Variants in JAM2 observed in about 807,000 individuals in gnomAD.
JAM2 encodes the protein junctional adhesion molecule 2.
JAM2 carries 17 observed loss-of-function variants against 42.0 expected under a neutral mutation model. The ratio of observed to expected loss-of-function variants is 0.40; its 90% CI spans 0.28 to 0.61. The LOEUF is 0.61. Ranked by LOEUF, JAM2 falls within the 20% of genes least tolerant of loss-of-function variation. JAM2 has a pLI of 0.37. For missense variants in JAM2, 319 were observed against 358.3 expected, an observed-to-expected ratio of 0.89 and a Z score of 0.89; for synonymous variants, 118 against 128.6, an observed-to-expected ratio of 0.92 and a Z score of 0.56.
intron 1 of JAM2, among the ~76,000 whole-genome samples, chr21:25,642,872 T>C (rs374787006): frequency 1.3e-5 from 2 of 152,240 alleles, no homozygotes; most frequent in African/African-American, 4.8e-5. Flanking sequence ...CGTTTATTTC[T>C]CACAGCTCTG....
intron 1 of JAM2, among the ~76,000 whole-genome samples, chr21:25,648,143 G>A (rs775952965): frequency 5.1e-4 from 77 of 152,168 alleles, no homozygotes; most frequent in Non-Finnish European, 9.1e-4. Context: ...CGTGGGAGGC[G>A]GAGGTTGCAA....
chr21:25,648,117 A>G (rs1446688793), intron 1 of JAM2, among the ~76,000 whole-genome samples: 1 of 152,180 alleles, frequency 6.6e-6, no homozygotes, highest in Non-Finnish European at 1.5e-5. Flanking sequence ...AGGCTGAGGC[A>G]TGAGAATCAC....
intron 4 of JAM2, among the ~76,000 whole-genome samples, chr21:25,697,178 T>C (rs1225069709): frequency 6.6e-6 from 1 of 152,058 alleles, no homozygotes; most frequent in African/African-American, 2.4e-5. Context: ...GACTTTTCCT[T>C]CTGTAATCAG....
chr21:25,698,953 C>T (rs1033791513), intron 5 of JAM2, 74 bp downstream of exon 5: 27 of 1,313,938 alleles, frequency 2.1e-5, no homozygotes, highest in Admixed American at 3.4e-5. Flanking sequence ...CTTAAGATGA[C>T]GTTTAATAGA....
chr21:25,715,647 G>A lies in JAM2; in HGVS notation c.*975G>A, dbSNP rs776085758. 3.9e-5 allele frequency: 6 copies of A among 152,160 alleles called. No homozygotes were observed. The highest frequency in any genetic ancestry group is 9.7e-5 in the African/African-American group (4 of 41,444). The allele number at this position is 152,160 out of a possible 1,614,324, so 9.4% of individuals were successfully genotyped here. ...TAATAGTCTACCAGGAAAATGAGACGAAAAAGCTCAGTATGACTCCCTGCA... is the reference window on the plus strand; with the variant it reads ...TAATAGTCTACCAGGAAAATGAGACAAAAAAGCTCAGTATGACTCCCTGCA... On this transcript the variant is annotated 3_prime_UTR_variant, in exon 10 of 10. Coordinates refer to ENST00000480456, the MANE Select transcript of JAM2 (RefSeq NM_021219.4).
At chr21:25,673,492 T>A (rs2033408614) in intron 1 of JAM2, among the ~76,000 whole-genome samples, 1 of 152,234 alleles carries the variant, frequency 6.6e-6, no homozygotes, top group Non-Finnish European at 1.5e-5. Context: ...ATTAGTTCAT[T>A]CACCATAAAC....
At chr21:25,650,148 A>G (rs1042859829) in intron 1 of JAM2, among the ~76,000 whole-genome samples, 16 of 152,324 alleles carry the variant, frequency 1.1e-4, no homozygotes, top group African/African-American at 3.6e-4. Flanking sequence ...TCTCAACACC[A>G]TTATACTGGG....
At chr21:25,666,636 G>A (rs6516684) in intron 1 of JAM2, among the ~76,000 whole-genome samples, 60,761 of 151,964 alleles carry the variant, frequency 0.4, 14,057 homozygotes, top group East Asian at 0.63. Context: ...TCTTGGGCTC[G>A]AGTGATCCTC....
At chr21:25,669,613 G>C (rs1228921046) in intron 1 of JAM2, among the ~76,000 whole-genome samples, 1 of 152,238 alleles carries the variant, frequency 6.6e-6, no homozygotes, top group African/African-American at 2.4e-5. Flanking sequence ...TTATGTACAT[G>C]ATTTTATTTC....
chr21:25,714,640 G>A lies in JAM2; in HGVS notation c.865G>A (p.Asp289Asn). 6.7e-7 allele frequency: 1 copy of A among 1,492,592 alleles called. No individual in the cohort carries two copies. The highest frequency in any genetic ancestry group is 9.0e-7 in the Non-Finnish European group (1 of 1,105,806). 92.5% of individuals were successfully genotyped at this position (1,492,592 alleles called of 1,614,324 possible). A position where few individuals can be genotyped will look rare whatever the true frequency, so the allele number is the denominator to read the frequency against. ...ACCTGTTTTTTCTTTCTTTTCCTAG[G>A]ATTTCAAGCACACAAAATCCTTTAT... ...SSKATTMSENDFKHTKSFII is the reference protein window; with the variant it reads ...SSKATTMSENNFKHTKSFII Residue 289 changes from aspartate to asparagine, a missense_variant and splice_region_variant, in exon 10 of 10, where the codon GAT (aspartate) becomes AAT (asparagine). Physicochemically the swap from Asp to Asn is conservative, Grantham distance 23. Transcript: ENST00000480456.
chr21:25,693,804 A>G lies in JAM2; in HGVS notation c.290A>G (p.Lys97Arg). 1 of 1,614,186 alleles carries G rather than the reference A, an allele frequency of 6.2e-7. No individual in the cohort carries two copies. The highest frequency in any genetic ancestry group is 2.2e-5 in the East Asian group (1 of 44,886). Residue 97 changes from lysine to arginine, a missense_variant, in exon 4 of 10, where the codon AAA (lysine) becomes AGA (arginine). Physicochemically the swap from Lys to Arg is conservative, Grantham distance 26. Transcript: ENST00000480456. ...ATGATAGATTTCAATATCCGGATCA[A>G]AAATGTGACAAGAAGTGATGCGGGG... ...AEMIDFNIRI[K>R]NVTRSDAGKY...
At chr21:25,644,688 G>C (rs1173415958) in intron 1 of JAM2, among the ~76,000 whole-genome samples, 1 of 152,206 alleles carries the variant, frequency 6.6e-6, no homozygotes, top group African/African-American at 2.4e-5. Context: ...CTGGGGAGTA[G>C]GATGTGGACA....
intron 1 of JAM2, among the ~76,000 whole-genome samples, chr21:25,660,967 G>T (rs1160719925): frequency 5.3e-5 from 8 of 149,800 alleles, no homozygotes; most frequent in Non-Finnish European, 1.0e-4. Flanking sequence ...GCTAATTTTT[G>T]TACTTTTAGT....
At chr21:25,682,267 G>A (rs2033651489) in intron 1 of JAM2, among the ~76,000 whole-genome samples, 1 of 152,186 alleles carries the variant, frequency 6.6e-6, no homozygotes. Flanking sequence ...TCATTACACT[G>A]GAGTATAGAA....
At chr21:25,675,120 G>A (rs551265193) in intron 1 of JAM2, among the ~76,000 whole-genome samples, 20 of 152,102 alleles carry the variant, frequency 1.3e-4, no homozygotes, top group Non-Finnish European at 2.4e-4. Context: ...GGAGGAAGGC[G>A]AAGGGGGCAC....
At chr21:25,646,567 G>T (rs905900377) in intron 1 of JAM2, among the ~76,000 whole-genome samples, 2 of 151,264 alleles carry the variant, frequency 1.3e-5, no homozygotes, top group Non-Finnish European at 3.0e-5. Context: ...CATCGGGTGT[G>T]GGGGGAAAGA....
chr21:25,707,481 C>T (rs1160792752), intron 7 of JAM2, among the ~76,000 whole-genome samples: 1 of 151,562 alleles, frequency 6.6e-6, no homozygotes, highest in Non-Finnish European at 1.5e-5. Flanking sequence ...GACTCCATCT[C>T]AAAAAAACAA....
intron 1 of JAM2, among the ~76,000 whole-genome samples, chr21:25,664,970 G>C (rs1203197502): frequency 6.6e-6 from 1 of 152,230 alleles, no homozygotes; most frequent in Non-Finnish European, 1.5e-5. Flanking sequence ...AGAGAATAGT[G>C]TCACAATAGC....
intron 1 of JAM2, among the ~76,000 whole-genome samples, chr21:25,657,495 A>G (rs1222611611): frequency 6.6e-6 from 1 of 152,226 alleles, no homozygotes; most frequent in African/African-American, 2.4e-5. Flanking sequence ...TCATAAGTTA[A>G]ATATCCATGT....
Sources: gnomAD v4.1 joint callset for allele counts (sites outside exome capture counted in the v4.1 genomes callset) on GRCh38, gnomAD v4.1.1 for gene constraint, MANE v1.5 for transcripts, NCBI Gene and HGNC (gene_info 2026-07-23, HGNC 2026-07-21) for gene names.